Variants in FICD observed in about 807,000 individuals in gnomAD.
The protein encoded by FICD is protein adenylyltransferase FICD.
In FICD, 13 loss-of-function variants were observed where a neutral mutation model predicts 28.0. The ratio of observed to expected loss-of-function variants is 0.46; its 90% CI spans 0.30 to 0.74. The LOEUF (loss-of-function observed/expected upper bound fraction) is 0.74. FICD is among the 30% of genes least tolerant of loss of function. The pLI, the probability that FICD is intolerant of heterozygous loss-of-function variation, is 0.07. For missense variants in FICD, 576 were observed against 624.5 expected, an observed-to-expected ratio of 0.92 and a Z score of 0.83; for synonymous variants, 268 against 266.4, an observed-to-expected ratio of 1.01 and a Z score of -0.06.
At position 108,519,687 on chromosome 12, in the gene FICD, A is replaced by G. The variant is rs1259400863; in HGVS notation, c.*212A>G. 2 of 531,020 alleles carry G rather than the reference A, an allele frequency of 3.8e-6. No homozygotes were observed. The highest frequency in any genetic ancestry group is 6.3e-5 in the East Asian group (2 of 31,718). The allele number at this position is 531,020 out of a possible 1,614,324, so 32.9% of individuals were successfully genotyped here. ...CCAAGCTATTTATTTTCTTCTTTGGAGCAAGCTAGTCAGTATTGTATGGTG... is the reference window on the plus strand; with the variant it reads ...CCAAGCTATTTATTTTCTTCTTTGGGGCAAGCTAGTCAGTATTGTATGGTG... On this transcript the variant is annotated 3_prime_UTR_variant, in exon 3 of 3. Coordinates refer to ENST00000552695, the MANE Select transcript of FICD (RefSeq NM_007076.3). The surrounding 1 kb of genome is among the most constrained non-coding windows in gnomAD (Gnocchi z 4.5).
Position 108,519,588 on chromosome 12 carries a change from C to T in FICD, c.*113C>T. ...GCAAAAGGAGAAACATTCTTTACCT[C>T]CAAATGTTTTAGTTTTAAAAAAAAA... On this transcript the variant is annotated 3_prime_UTR_variant, in exon 3 of 3. Coordinates refer to ENST00000552695, the MANE Select transcript of FICD (RefSeq NM_007076.3). The surrounding 1 kb of genome is among the most constrained non-coding windows in gnomAD (Gnocchi z 4.5). The T allele has an allele frequency of 1.8e-6, 1 of 569,356 alleles. No individual in the cohort carries two copies. Among genetic ancestry groups the T allele is most frequent in the East Asian group, 3.0e-5 (1 of 33,000 alleles). The allele number at this position is 569,356 out of a possible 1,614,324, so 35.3% of individuals were successfully genotyped here. A position where few individuals can be genotyped will look rare whatever the true frequency, so the allele number is the denominator to read the frequency against.
At position 108,519,663 on chromosome 12, in the gene FICD, C is replaced by G. The variant is rs1872042678; in HGVS notation, c.*188C>G. On this transcript the variant is annotated 3_prime_UTR_variant, in exon 3 of 3. Coordinates refer to ENST00000552695, the MANE Select transcript of FICD (RefSeq NM_007076.3). The surrounding 1 kb of genome is among the most constrained non-coding windows in gnomAD (Gnocchi z 4.5). The stretch of plus-strand genomic sequence containing the variant: ...TCTCTAAAATAACTTATAATTCAAC[C>G]AAGCTATTTATTTTCTTCTTTGGAG... 1 of 552,384 alleles carries G rather than the reference C, an allele frequency of 1.8e-6. No homozygotes were observed. Among genetic ancestry groups the G allele is most frequent in the African/African-American group, 1.9e-5 (1 of 52,380 alleles). The allele number at this position is 552,384 out of a possible 1,614,324, so 34.2% of individuals were successfully genotyped here.
rs1269227398 is a variant in FICD at position 108,520,829 on chromosome 12, T to G, written c.*1354T>G. On this transcript the variant is annotated 3_prime_UTR_variant, in exon 3 of 3. Transcript: ENST00000552695. ...TGTGTGAGTGATGGCGAATACGCAG[T>G]GTTGTCTCTTTGATTTGGTAATTCC... 2.0e-5 allele frequency: 3 copies of G among 152,240 alleles called. No homozygotes were observed. Among genetic ancestry groups the G allele is most frequent in the Non-Finnish European group, 4.4e-5 (3 of 68,042 alleles). The allele number at this position is 152,240 out of a possible 1,614,324, so 9.4% of individuals were successfully genotyped here. A position where few individuals can be genotyped will look rare whatever the true frequency, so the allele number is the denominator to read the frequency against.
rs1359238613 is a variant in FICD, at chr12:108,521,079, T to C, written c.*1604T>C. 1.3e-5 allele frequency: 2 copies of C among 152,258 alleles called. No homozygotes were observed. The highest frequency in any genetic ancestry group is 6.5e-5 in the Admixed American group (1 of 15,290). 9.4% of individuals were successfully genotyped at this position (152,258 alleles called of 1,614,324 possible). ...TAAAACTCTTCTCGTCTTGGTTTTA[T>C]AAGCACACCACGGAGGTCTGACAGA... is the stretch of plus-strand genomic sequence containing the variant. On this transcript the variant is annotated 3_prime_UTR_variant, in exon 3 of 3. Transcript: ENST00000552695.
intron 1 of FICD, among the ~76,000 whole-genome samples, chr12:108,515,648 G>C (rs1475950294): frequency 6.6e-6 from 1 of 152,048 alleles, no homozygotes; most frequent in East Asian, 1.9e-4. Context: ...CGGGAAGCCC[G>C]CCCAGACCCC....
chr12:108,517,876 C>T (rs1466570909), intron 2 of FICD, among the ~76,000 whole-genome samples: 4 of 152,168 alleles, frequency 2.6e-5, no homozygotes, highest in Admixed American at 6.5e-5. Context: ...TCCCCTGGGG[C>T]GCACAATCAA....
chr12:108,516,242 G>A (rs1871907256), intron 1 of FICD, among the ~76,000 whole-genome samples: 1 of 152,208 alleles, frequency 6.6e-6, no homozygotes, highest in South Asian at 2.1e-4. Context: ...TTCTGGACAG[G>A]CCAGAAATGG....
At position 108,519,038 on chromosome 12, in the gene FICD, G is replaced by C. The variant is rs1565853150; in HGVS notation, c.940G>C (p.Val314Leu). The change falls in exon 3 of 3, where the codon GTC becomes CTC. Residue 314 changes from valine (V) to leucine (L), a missense_variant. By Grantham distance (32) the Val-to-Leu change is conservative (BLOSUM62 1). Coordinates refer to ENST00000552695, the MANE Select transcript of FICD (RefSeq NM_007076.3). The surrounding 1 kb of genome is among the most constrained non-coding windows in gnomAD (Gnocchi z 4.5). ...AGCCGGCAGGTTTCGGACAACACAG[G>C]TCCTGGTCGGACACCACATCCCTCC... ...VEAGRFRTTQ[V>L]LVGHHIPPHP... The C allele has an allele frequency of 6.2e-7, 1 of 1,614,218 alleles. No individual in the cohort carries two copies.
intron 1 of FICD, 117 bp from the exon 2 acceptor site, chr12:108,516,798 C>T (rs1335577854): frequency 4.3e-6 from 2 of 469,790 alleles, no homozygotes; most frequent in African/African-American, 2.0e-5. Context: ...TGACTTGCCC[C>T]CACCCCATCT....
Position 108,518,382 on chromosome 12 carries a change from T to A in FICD, c.302-18T>A. 1 of 1,611,256 alleles carries A rather than the reference T, an allele frequency of 6.2e-7. No homozygotes were observed. The highest frequency in any genetic ancestry group is 1.1e-5 in the South Asian group (1 of 91,028). ...CCTAGCCTCCCTCCCTCACAGCGCT[T>A]CTTTGGCTCTCTTCCAGCGGGTAAG... On this transcript the variant is annotated intron_variant, in intron 2 of 2. Transcript: ENST00000552695. The surrounding 1 kb of genome is among the most constrained non-coding windows in gnomAD (Gnocchi z 4.4).
rs369216992 is a variant in FICD at position 108,517,616 on chromosome 12, C to T, written c.301+343C>T. Among the ~76,000 whole-genome samples, 7 of 152,230 alleles carry T rather than the reference C, an allele frequency of 4.6e-5. No individual in the cohort carries two copies. In the East Asian group the frequency reaches 1.4e-3, roughly 29 times the overall value. ...AACTGACATAACTGTCGTAAGAGAGCCTGGGGGCATTCGAGGAACTAAAGG... is the reference window on the plus strand; with the variant it reads ...AACTGACATAACTGTCGTAAGAGAGTCTGGGGGCATTCGAGGAACTAAAGG... On this transcript the variant is annotated intron_variant, in intron 2 of 2. Transcript: ENST00000552695.
chr12:108,519,633 C>T lies in FICD; in HGVS notation c.*158C>T, dbSNP rs564757299. ...AAAAAAAAAAAACTAAGTTATGAAG[C>T]CTTGTCTCTAAAATAACTTATAATT... is the stretch of plus-strand genomic sequence containing the variant. On this transcript the variant is annotated 3_prime_UTR_variant, in exon 3 of 3. Coordinates refer to ENST00000552695, the MANE Select transcript of FICD (RefSeq NM_007076.3). This position sits in a 1 kb window ranked among gnomAD's most constrained non-coding sequence, Gnocchi z 4.5. The T allele has an allele frequency of 3.5e-6, 2 of 571,868 alleles. No individual in the cohort carries two copies. Among genetic ancestry groups the T allele is most frequent in the East Asian group, 5.8e-5 (2 of 34,384 alleles). 35.4% of individuals were successfully genotyped at this position (571,868 alleles called of 1,614,324 possible).
At position 108,518,814 on chromosome 12, in the gene FICD, C is replaced by T; in HGVS notation, c.716C>T (p.Thr239Ile). 1 of 1,614,228 alleles carries T rather than the reference C, an allele frequency of 6.2e-7. No homozygotes were observed. The highest frequency in any genetic ancestry group is 8.5e-7 in the Non-Finnish European group (1 of 1,180,040). The stretch of plus-strand genomic sequence containing the variant: ...GTGGCCATCGAGGGCAACACCCTCA[C>T]CCTCTCGGAAATCAGGCACATCCTG... ...HTVAIEGNTLTLSEIRHILET... is the reference protein window; with the variant it reads ...HTVAIEGNTLILSEIRHILET... The change falls in exon 3 of 3, where the codon ACC (threonine) becomes ATC (isoleucine). Residue 239 changes from threonine (T) to isoleucine (I), a missense_variant. By Grantham distance (89) the Thr-to-Ile change is moderately conservative. Coordinates refer to ENST00000552695, the MANE Select transcript of FICD (RefSeq NM_007076.3). The surrounding 1 kb of genome is among the most constrained non-coding windows in gnomAD (Gnocchi z 4.4).
chr12:108,515,618 C>T (rs1248634311), intron 1 of FICD, among the ~76,000 whole-genome samples: 1 of 152,134 alleles, frequency 6.6e-6, no homozygotes, highest in Non-Finnish European at 1.5e-5. Flanking sequence ...TGTACCGCCC[C>T]GCCCAGGAGC....
At position 108,519,735 on chromosome 12, in the gene FICD, C is replaced by G; in HGVS notation, c.*260C>G. On this transcript the variant is annotated 3_prime_UTR_variant, in exon 3 of 3. Coordinates refer to ENST00000552695, the MANE Select transcript of FICD (RefSeq NM_007076.3). This position sits in a 1 kb window ranked among gnomAD's most constrained non-coding sequence, Gnocchi z 4.5. ...GTGTCTGCTGTGTCTTGCTGGTGGC[C>G]GTGCTTTAGGGGCAACAGTGCCACC... is the stretch of plus-strand genomic sequence containing the variant. The G allele has an allele frequency of 2.8e-6, 1 of 356,144 alleles. No homozygotes were observed. The highest frequency in any genetic ancestry group is 4.9e-5 in the East Asian group (1 of 20,392). The allele number at this position is 356,144 out of a possible 1,614,324, so 22.1% of individuals were successfully genotyped here. A position where few individuals can be genotyped will look rare whatever the true frequency, so the allele number is the denominator to read the frequency against.
intron 1 of FICD, among the ~76,000 whole-genome samples, chr12:108,516,016 A>G (rs1188276601): frequency 6.6e-6 from 1 of 152,184 alleles, no homozygotes; most frequent in Non-Finnish European, 1.5e-5. Flanking sequence ...GAAACGAGGC[A>G]ATGCGTGGCC....
rs746814032 is a variant in FICD at position 108,518,450 on chromosome 12, C to T, written c.352C>T (p.Arg118Cys). Residue 118 changes from arginine (R) to cysteine (C), a missense_variant, in exon 3 of 3, where the codon CGC (arginine) becomes TGC (cysteine). By Grantham distance (180) the Arg-to-Cys change is radical. Transcript: ENST00000552695. This position sits in a 1 kb window ranked among gnomAD's most constrained non-coding sequence, Gnocchi z 4.4. The stretch of plus-strand genomic sequence containing the variant: ...CCTGAACCAGGCCCTGGAGATGAAG[C>T]GCCAGGGCAAGCGGGAAAAAGCCCA... ...AALNQALEMK[R>C]QGKREKAQKL... 9.3e-6 allele frequency: 15 copies of T among 1,614,016 alleles called. No homozygotes were observed. The highest frequency in any genetic ancestry group is 1.2e-5 in the Non-Finnish European group (14 of 1,180,040).
At position 108,518,893 on chromosome 12, in the gene FICD, A is replaced by G. The variant is rs1217232213; in HGVS notation, c.795A>G (p.Ile265Met). 1 of 1,614,150 alleles carries G rather than the reference A, an allele frequency of 6.2e-7. No individual in the cohort carries two copies. Among genetic ancestry groups the G allele is most frequent in the Non-Finnish European group, 8.5e-7 (1 of 1,180,010 alleles). The change falls in exon 3 of 3, where the codon ATA (isoleucine) becomes ATG (methionine). Residue 265 changes from isoleucine (I) to methionine (M), a missense_variant. By Grantham distance (10) the Ile-to-Met change is conservative. Transcript: ENST00000552695. The surrounding 1 kb of genome is among the most constrained non-coding windows in gnomAD (Gnocchi z 4.4). ...GCCTGGAGGAGCAGAACGAGGTCAT[A>G]GGCATGCATGCAGCCATGAAGTACA... ...GKSLEEQNEV[I>M]GMHAAMKYIN...
rs945852365 is a variant in FICD at position 108,520,729 on chromosome 12, CAG to C, written c.*1259_*1260del. 2 of 152,192 alleles carry C rather than the reference CAG, an allele frequency of 1.3e-5. No individual in the cohort carries two copies. Among genetic ancestry groups the C allele is most frequent in the Non-Finnish European group, 2.9e-5 (2 of 68,048 alleles). The allele number at this position is 152,192 out of a possible 1,614,324, so 9.4% of individuals were successfully genotyped here. On this transcript the variant is annotated 3_prime_UTR_variant, in exon 3 of 3. Transcript: ENST00000552695. ...CAATATGACTGCTGCTATTTAGAGT[CAG>C]AGAGGTGGAAGTCACTGGGTCCCTT...
Sources: gnomAD v4.1 joint callset for allele counts (sites outside exome capture counted in the v4.1 genomes callset) on GRCh38, gnomAD v4.1.1 for gene constraint, Gnocchi (gnomAD v3.1) non-coding constraint, MANE v1.5 for transcripts, NCBI Gene and HGNC (gene_info 2026-07-23, HGNC 2026-07-21) for gene names.